Variants in PDCD1LG2 observed in about 807,000 individuals in gnomAD.
The protein encoded by PDCD1LG2 is B7 dendritic cell molecule.
A neutral mutation model predicts 28.2 loss-of-function variants in PDCD1LG2; 32 were observed. The observed-to-expected ratio is 1.13, with a 90% CI of 0.86 to 1.52. PDCD1LG2 has a LOEUF of 1.52. Among genes scored for constraint, PDCD1LG2 ranks in the 40% most tolerant of loss-of-function variants. PDCD1LG2 has a pLI of 0.00. For synonymous variants in PDCD1LG2, 116 were observed against 120.2 expected (o/e 0.97, Z 0.23); for missense variants, 385 against 323.8 (o/e 1.19, Z -1.45).
At chr9:5,557,931 G>C (rs1206555768) in intron 5 of PDCD1LG2, among the ~76,000 whole-genome samples, 179 bp downstream of exon 5, 2 of 152,226 alleles carry the variant, frequency 1.3e-5, no homozygotes, top group Non-Finnish European at 2.9e-5. Flanking sequence ...CTCATCGTCA[G>C]TGAGCTGAAC....
At chr9:5,531,778 C>A (rs888719018) in intron 2 of PDCD1LG2, among the ~76,000 whole-genome samples, 1 of 152,196 alleles carries the variant, frequency 6.6e-6, no homozygotes, top group South Asian at 2.1e-4. Context: ...GCAGACTCAG[C>A]AACTAACCTT....
Position 5,557,736 on chromosome 9 carries a change from GCTGTATTCTTCAAAA to G in PDCD1LG2, c.751_765del (p.Leu251_Lys255del). On this transcript the variant is annotated inframe_deletion and splice_region_variant, in exon 5 of 7. Transcript: ENST00000397747. Reference sequence around the variant, plus strand: ...CCCTAAGAAAACAACTCTGTCAAAAGCTGTATTCTTCAAAAGGTAAGTGAGTTTTATTCATGGTAA... The same window carrying G: ...CCCTAAGAAAACAACTCTGTCAAAAGGGTAAGTGAGTTTTATTCATGGTAA... 1 of 1,613,954 alleles carries G rather than the reference GCTGTATTCTTCAAAA, an allele frequency of 6.2e-7. No homozygotes were observed. Among genetic ancestry groups the G allele is most frequent in the South Asian group, 1.1e-5 (1 of 91,078 alleles).
At chr9:5,567,316 T>C (rs1467521325) in intron 6 of PDCD1LG2, among the ~76,000 whole-genome samples, 1 of 152,240 alleles carries the variant, frequency 6.6e-6, no homozygotes, top group Admixed American at 6.5e-5. Flanking sequence ...ATATCATAAC[T>C]TACTGTTAGA....
intron 2 of PDCD1LG2, among the ~76,000 whole-genome samples, chr9:5,526,046 C>CAAAA (rs375299943): frequency 2.5e-5 from 3 of 118,030 alleles, no homozygotes; most frequent in Non-Finnish European, 3.6e-5. Context: ...GACTCCGTCT[C>CAAAA]AAAAAAAAAA....
intron 2 of PDCD1LG2, among the ~76,000 whole-genome samples, chr9:5,524,581 T>C (rs567466335): frequency 6.6e-6 from 1 of 152,318 alleles, no homozygotes; most frequent in East Asian, 1.9e-4. Flanking sequence ...TAAAATCTTG[T>C]CATTTCATGT....
intron 2 of PDCD1LG2, among the ~76,000 whole-genome samples, chr9:5,523,487 A>G (rs1182038652): frequency 6.6e-6 from 1 of 152,132 alleles, no homozygotes; most frequent in Non-Finnish European, 1.5e-5. Flanking sequence ...ATCACTCTTC[A>G]CCCAGTCACA....
chr9:5,510,618 G>A lies in PDCD1LG2; in HGVS notation c.-200G>A, dbSNP rs145695857. The A allele has an allele frequency of 1.8e-4, 27 of 152,660 alleles. No individual in the cohort carries two copies. The highest frequency in any genetic ancestry group is 6.5e-4 in the African/African-American group (27 of 41,538). 9.5% of individuals were successfully genotyped at this position (152,660 alleles called of 1,614,324 possible). Reference sequence around the variant, plus strand: ...AACGCCAAATTTTGAGTGCTTTTTTGTTACCCATCCTCATATGTCCCAGCT... The same window carrying A: ...AACGCCAAATTTTGAGTGCTTTTTTATTACCCATCCTCATATGTCCCAGCT... On this transcript the variant is annotated 5_prime_UTR_variant, in exon 1 of 7. Transcript: ENST00000397747.
At chr9:5,537,576 G>C (rs991511261) in intron 3 of PDCD1LG2, among the ~76,000 whole-genome samples, 2 of 152,260 alleles carry the variant, frequency 1.3e-5, no homozygotes, top group African/African-American at 2.4e-5. Flanking sequence ...CATGTCCTTC[G>C]TAGGGACATG....
In PDCD1LG2 at chr9:5,528,045, G is replaced by T. The variant is rs189772690; in HGVS notation, c.55+5444G>T. Among the ~76,000 whole-genome samples the T allele has an allele frequency of 7.0e-3, 1,057 of 151,678 alleles. 8 individuals carry two copies. The highest frequency in any genetic ancestry group is 9.2e-3 in the Non-Finnish European group (627 of 67,908). On this transcript the variant is annotated intron_variant, in intron 2 of 6. Transcript: ENST00000397747. ...GGGTTTTGCCATATTGACCAGGCTG[G>T]TCTTGAACTCCTGACCTCAGGTGAT...
In PDCD1LG2 at chr9:5,534,779, C is replaced by A. The variant is rs775859590; in HGVS notation, c.90C>A (p.Tyr30Ter). ...CAGTGACAGTCCCTAAGGAACTGTA[C>A]ATAATAGAGCATGGCAGCAATGTGA... Reference protein sequence around the residue: ...LFTVTVPKELYIIEHGSNVTL... With the variant: ...LFTVTVPKEL The change falls in exon 3 of 7, where the codon TAC becomes TAA. Residue 30 changes from tyrosine (Y) to a stop codon, truncating the protein, a stop_gained. Coordinates refer to ENST00000397747, the MANE Select transcript of PDCD1LG2 (RefSeq NM_025239.4). LOFTEE classifies it high-confidence loss of function. The A allele has an allele frequency of 9.9e-6, 16 of 1,613,764 alleles. No individual in the cohort carries two copies. Among genetic ancestry groups the A allele is most frequent in the Non-Finnish European group, 1.4e-5 (16 of 1,179,784 alleles).
At chr9:5,518,433 G>C (rs987601236) in intron 1 of PDCD1LG2, among the ~76,000 whole-genome samples, 4 of 152,234 alleles carry the variant, frequency 2.6e-5, no homozygotes, top group African/African-American at 9.6e-5. Context: ...TCTGTTGCTA[G>C]AGCTATGTTA....
chr9:5,552,504 TG>T (rs1231908571), intron 4 of PDCD1LG2, among the ~76,000 whole-genome samples: 1 of 152,164 alleles, frequency 6.6e-6, no homozygotes, highest in Non-Finnish European at 1.5e-5. Context: ...GGGATAGCCC[TG>T]GTACAGACGT....
At chr9:5,540,651 C>CTA (rs58399470) in intron 3 of PDCD1LG2, among the ~76,000 whole-genome samples, 24,778 of 151,858 alleles carry the variant, frequency 0.16, 2,708 homozygotes, top group African/African-American at 0.3. Context: ...TACAACCCTT[C>CTA]GATTAAACCA....
chr9:5,510,920 A>G (rs1820045045), intron 1 of PDCD1LG2, 117 bp downstream of exon 1: 1 of 152,776 alleles, frequency 6.5e-6, no homozygotes, highest in East Asian at 1.9e-4. Flanking sequence ...GGCAAGAGAC[A>G]TTCTGCCTCA....
chr9:5,511,213 T>C (rs1820050875), intron 1 of PDCD1LG2, among the ~76,000 whole-genome samples: 1 of 152,200 alleles, frequency 6.6e-6, no homozygotes, highest in African/African-American at 2.4e-5. Flanking sequence ...CTGGCCTTTG[T>C]TTACAAGCTA....
intron 2 of PDCD1LG2, among the ~76,000 whole-genome samples, chr9:5,527,566 A>T (rs1820403809): frequency 6.6e-6 from 1 of 152,212 alleles, no homozygotes; most frequent in South Asian, 2.1e-4. Context: ...ATTGGGGCAC[A>T]TTTGGGTATT....
In PDCD1LG2 at chr9:5,571,134, G is replaced by A. The variant is rs1816760183; in HGVS notation, c.*1175G>A. ...AGCTCCTTAACTGAGCAAAATTTGGGGCTTATGAGAATGAAAGGGTGTGAA... is the reference window on the plus strand; with the variant it reads ...AGCTCCTTAACTGAGCAAAATTTGGAGCTTATGAGAATGAAAGGGTGTGAA... On this transcript the variant is annotated 3_prime_UTR_variant, in exon 7 of 7. Transcript: ENST00000397747. 1 of 232,674 alleles carries A rather than the reference G, an allele frequency of 4.3e-6. No individual in the cohort carries two copies. The highest frequency in any genetic ancestry group is 8.5e-6 in the Non-Finnish European group (1 of 117,742). 14.4% of individuals were successfully genotyped at this position (232,674 alleles called of 1,614,324 possible). A position where few individuals can be genotyped will look rare whatever the true frequency, so the allele number is the denominator to read the frequency against.
chr9:5,556,985 G>A (rs1816455318), intron 4 of PDCD1LG2, among the ~76,000 whole-genome samples: 1 of 152,056 alleles, frequency 6.6e-6, no homozygotes, highest in South Asian at 2.1e-4. Flanking sequence ...CAAGGCAAAG[G>A]GCCAATTGTA....
At chr9:5,549,198 C>T (rs1353583844) in intron 3 of PDCD1LG2, 137 bp from the exon 4 acceptor site, 14 of 803,914 alleles carry the variant, frequency 1.7e-5, no homozygotes, top group East Asian at 7.5e-5. Flanking sequence ...CAGGGATATA[C>T]AATGTGTTTA....
Sources: gnomAD v4.1 joint callset for allele counts (sites outside exome capture counted in the v4.1 genomes callset) on GRCh38, gnomAD v4.1.1 for gene constraint, MANE v1.5 for transcripts, NCBI Gene and HGNC (gene_info 2026-07-23, HGNC 2026-07-21) for gene names.